The following ZDHHC3 variants were observed in gnomAD, a reference collection of about 807,000 sequenced individuals.
ZDHHC3 encodes zDHHC palmitoyltransferase 3.
Under a neutral mutation model 30.6 loss-of-function variants are expected in ZDHHC3, and 9 were observed. That is an observed-to-expected ratio of 0.29 (90% CI 0.18 to 0.51). ZDHHC3 has a LOEUF of 0.51. Ranked by LOEUF, ZDHHC3 falls within the 20% of genes least tolerant of loss-of-function variation. The probability of loss-of-function intolerance (pLI) is 0.97; values close to 1 mark genes in which losing one functional copy is unlikely to be tolerated. For missense variants in ZDHHC3, 246 were observed against 384.2 expected, an observed-to-expected ratio of 0.64 and a Z score of 3.01; for synonymous variants, 136 against 140.2, an observed-to-expected ratio of 0.97 and a Z score of 0.21.
rs1357341786 is a variant in ZDHHC3, at chr3:44,924,721, G to T, written c.*1968C>A. The T allele has an allele frequency of 2.0e-6, 2 of 985,352 alleles. No homozygotes were observed. The highest frequency in any genetic ancestry group is 3.5e-5 in the African/African-American group (2 of 57,248). 61.0% of individuals were successfully genotyped at this position (985,352 alleles called of 1,614,324 possible). A position where few individuals can be genotyped will look rare whatever the true frequency, so the allele number is the denominator to read the frequency against. ...GGGCCAGAGCTGTAGCCCTGCTCTA[G>T]TTATTTAATACAATAACACTTCTTT... On this transcript the variant is annotated 3_prime_UTR_variant, in exon 7 of 7. Transcript: ENST00000424952.
chr3:44,937,164 G>T (rs975582686), intron 3 of ZDHHC3, among the ~76,000 whole-genome samples: 1 of 151,976 alleles, frequency 6.6e-6, no homozygotes, highest in Non-Finnish European at 1.5e-5. Context: ...TTAGTTCAAG[G>T]CCAGGTTTGG....
chr3:44,918,935 C>A lies in ZDHHC3; in HGVS notation c.*7754G>T, dbSNP rs1032933363. On this transcript the variant is annotated 3_prime_UTR_variant, in exon 7 of 7. Transcript: ENST00000424952. ...CTGCACAGAGGCCTTTGACCCTCCA[C>A]TGGGGGCACTGCTTTCTCCATCTCT... The A allele has an allele frequency of 1.0e-6, 1 of 985,500 alleles. No individual in the cohort carries two copies. The highest frequency in any genetic ancestry group is 1.2e-6 in the Non-Finnish European group (1 of 830,090). 61.0% of individuals were successfully genotyped at this position (985,500 alleles called of 1,614,324 possible). A position where few individuals can be genotyped will look rare whatever the true frequency, so the allele number is the denominator to read the frequency against.
At chr3:44,966,280 G>T (rs1163315525) in intron 1 of ZDHHC3, among the ~76,000 whole-genome samples, 1 of 152,194 alleles carries the variant, frequency 6.6e-6, no homozygotes, top group Non-Finnish European at 1.5e-5. Flanking sequence ...GCCAAAATTT[G>T]TTTCGAGTGA....
In ZDHHC3 at chr3:44,925,288, C is replaced by T. The variant is rs1575769562; in HGVS notation, c.*1401G>A. ...ATCACATGGCTAGATTAACTTTCGC[C>T]CTACCCAGGACAGGATTGAATAAAC... is the stretch of plus-strand genomic sequence containing the variant. On this transcript the variant is annotated 3_prime_UTR_variant, in exon 7 of 7. Coordinates refer to ENST00000424952, the MANE Select transcript of ZDHHC3 (RefSeq NM_001135179.2). 9 of 985,860 alleles carry T rather than the reference C, an allele frequency of 9.1e-6. No individual in the cohort carries two copies. Among genetic ancestry groups the T allele is most frequent in the Non-Finnish European group, 1.1e-5 (9 of 829,938 alleles). The allele number at this position is 985,860 out of a possible 1,614,324, so 61.1% of individuals were successfully genotyped here.
At position 44,923,513 on chromosome 3, in the gene ZDHHC3, A is replaced by C; in HGVS notation, c.*3176T>G. The C allele has an allele frequency of 1.0e-6, 1 of 985,426 alleles. No homozygotes were observed. The highest frequency in any genetic ancestry group is 1.1e-4 in the East Asian group (1 of 8,800). 61.0% of individuals were successfully genotyped at this position (985,426 alleles called of 1,614,324 possible). Reference sequence around the variant, plus strand: ...GCTAATACTTGGGGCTTTTTCAAGAAGTACAGGGCTGGGCCCAGTGGCTCA... The same window carrying C: ...GCTAATACTTGGGGCTTTTTCAAGACGTACAGGGCTGGGCCCAGTGGCTCA... On this transcript the variant is annotated 3_prime_UTR_variant, in exon 7 of 7. Transcript: ENST00000424952.
At position 44,918,663 on chromosome 3, in the gene ZDHHC3, C is replaced by T. The variant is rs1700378689; in HGVS notation, c.*8026G>A. The T allele has an allele frequency of 9.0e-6, 9 of 999,268 alleles. No homozygotes were observed. The South Asian group carries it at 1.7e-4, about 19-fold the overall frequency. 61.9% of individuals were successfully genotyped at this position (999,268 alleles called of 1,614,324 possible). On this transcript the variant is annotated 3_prime_UTR_variant, in exon 7 of 7. Coordinates refer to ENST00000424952, the MANE Select transcript of ZDHHC3 (RefSeq NM_001135179.2). ...CATGCGAGGTGAAGAAGCGGGTGCT[C>T]GTACAGCAAGTGCCAACATGCATTA...
rs761303302 is a variant in ZDHHC3 at position 44,959,311 on chromosome 3, G to A, written c.126C>T (p.Gly42=). 2 of 1,614,268 alleles carry A rather than the reference G, an allele frequency of 1.2e-6. No homozygotes were observed. The highest frequency in any genetic ancestry group is 1.7e-6 in the Non-Finnish European group (2 of 1,180,050). ...TAACGATGGCACAGGCGATGCCACA[G>A]CCGTCACGGATAAACCACATGGTTC... ...PVGTMWFIRD[G]CGIACAIVTW... The change falls in exon 2 of 7, where the codon GGC becomes GGT. Residue 42 remains glycine, a synonymous_variant. Coordinates refer to ENST00000424952, the MANE Select transcript of ZDHHC3 (RefSeq NM_001135179.2). This position sits in a 1 kb window ranked among gnomAD's most constrained non-coding sequence, Gnocchi z 4.3.
chr3:44,952,985 C>T (rs530072980), intron 2 of ZDHHC3, among the ~76,000 whole-genome samples: 69 of 152,320 alleles, frequency 4.5e-4, no homozygotes, highest in South Asian at 2.3e-3. Flanking sequence ...GGGCCTGGCA[C>T]GAAGAATGTA....
rs558967292 is a variant in ZDHHC3 at position 44,920,860 on chromosome 3, T to C, written c.*5829A>G. 2.0e-6 allele frequency: 2 copies of C among 985,404 alleles called. No individual in the cohort carries two copies. The highest frequency in any genetic ancestry group is 2.3e-4 in the East Asian group (2 of 8,822). 61.0% of individuals were successfully genotyped at this position (985,404 alleles called of 1,614,324 possible). On this transcript the variant is annotated 3_prime_UTR_variant, in exon 7 of 7. Coordinates refer to ENST00000424952, the MANE Select transcript of ZDHHC3 (RefSeq NM_001135179.2). ...GTCTTCAGCAGTAAAGTCGACAAAC[T>C]TTCAGGGAGTGTTGACTTTTGAGTC...
rs1277193115 is a variant in ZDHHC3 at position 44,924,690 on chromosome 3, A to AG, written c.*1998dup. The stretch of plus-strand genomic sequence containing the variant: ...GGAGTATTACCAATCTCTTCCCCCT[A>AG]GGGGAGGGCCAGAGCTGTAGCCCTG... On this transcript the variant is annotated 3_prime_UTR_variant, in exon 7 of 7. Transcript: ENST00000424952. 3.0e-6 allele frequency: 3 copies of AG among 985,352 alleles called. No homozygotes were observed. The highest frequency in any genetic ancestry group is 3.6e-6 in the Non-Finnish European group (3 of 829,930). The allele number at this position is 985,352 out of a possible 1,614,324, so 61.0% of individuals were successfully genotyped here.
chr3:44,943,028 C>A (rs1429485631), intron 3 of ZDHHC3, among the ~76,000 whole-genome samples: 1 of 152,156 alleles, frequency 6.6e-6, no homozygotes, highest in Non-Finnish European at 1.5e-5. Context: ...AGGAGGCAAG[C>A]CTTGAATTAG....
At position 44,926,453 on chromosome 3, in the gene ZDHHC3, TA is replaced by T. The variant is rs1448572557; in HGVS notation, c.*235del. On this transcript the variant is annotated 3_prime_UTR_variant, in exon 7 of 7. Coordinates refer to ENST00000424952, the MANE Select transcript of ZDHHC3 (RefSeq NM_001135179.2). ...AAACCAGAGGCCAGAGAAGTGATTT[TA>T]AAAGGAAAAGAGAGCAGCTTCGGTC... 4 of 1,253,660 alleles carry T rather than the reference TA, an allele frequency of 3.2e-6. No individual in the cohort carries two copies. In the Admixed American group the frequency reaches 1.6e-4, roughly 49 times the overall value. The allele number at this position is 1,253,660 out of a possible 1,614,324, so 77.7% of individuals were successfully genotyped here.
At chr3:44,933,541 C>G (rs1701683332) in intron 4 of ZDHHC3, 1 of 531,616 alleles carries the variant, frequency 1.9e-6, no homozygotes, top group African/African-American at 1.9e-5. Context: ...CTGCTGAGGG[C>G]CCTTCTAGTC....
intron 5 of ZDHHC3, among the ~76,000 whole-genome samples, chr3:44,930,867 T>C (rs562102081): frequency 7.2e-5 from 11 of 152,034 alleles, no homozygotes; most frequent in Admixed American, 4.6e-4. Flanking sequence ...GGGCAGGGTA[T>C]TGGGGAGAAT....
chr3:44,958,605 G>A (rs1704169468), intron 2 of ZDHHC3: 4 of 1,535,966 alleles, frequency 2.6e-6, no homozygotes, highest in South Asian at 2.4e-5. Context: ...CACTTGCTGC[G>A]GCCTGAAACA....
chr3:44,931,811 G>A (rs903314831), intron 5 of ZDHHC3, among the ~76,000 whole-genome samples: 2 of 152,196 alleles, frequency 1.3e-5, no homozygotes, highest in Non-Finnish European at 2.9e-5. Flanking sequence ...AGTGATCCTG[G>A]AAACTTGTTC....
Position 44,922,647 on chromosome 3 carries a change from G to A in ZDHHC3, c.*4042C>T, listed in dbSNP as rs1177480012. ...GCAGGCATCAGGGACCACCTGAGGG[G>A]GGACTCCTGCTAGCCCCAACTGGAT... is the stretch of plus-strand genomic sequence containing the variant. On this transcript the variant is annotated 3_prime_UTR_variant, in exon 7 of 7. Coordinates refer to ENST00000424952, the MANE Select transcript of ZDHHC3 (RefSeq NM_001135179.2). 2 of 985,258 alleles carry A rather than the reference G, an allele frequency of 2.0e-6. No individual in the cohort carries two copies. Among genetic ancestry groups the A allele is most frequent in the Non-Finnish European group, 2.4e-6 (2 of 829,924 alleles). The allele number at this position is 985,258 out of a possible 1,614,324, so 61.0% of individuals were successfully genotyped here. A position where few individuals can be genotyped will look rare whatever the true frequency, so the allele number is the denominator to read the frequency against.
At chr3:44,946,464 T>C (rs1191903939) in intron 2 of ZDHHC3, among the ~76,000 whole-genome samples, 1 of 152,202 alleles carries the variant, frequency 6.6e-6, no homozygotes, top group African/African-American at 2.4e-5. Context: ...CTCACTGCTA[T>C]GGACTCAGGA....
rs767471628 is a variant in ZDHHC3, at chr3:44,926,885, G to A, written c.742-38C>T. The A allele has an allele frequency of 4.4e-5, 69 of 1,561,802 alleles. No individual in the cohort carries two copies. In the Admixed American group the frequency reaches 1.3e-3, roughly 29 times the overall value. On this transcript the variant is annotated intron_variant, in intron 6 of 6. Transcript: ENST00000424952. ...ACAATCATACTTTCAGTCAAGCACT[G>A]CATTGCTGTGGTTTCTGGGGAGGGA...
Sources: allele counts gnomAD v4.1 joint callset (sites outside exome capture counted in the v4.1 genomes callset), GRCh38; gene constraint gnomAD v4.1.1; non-coding constraint Gnocchi (gnomAD v3.1); transcripts MANE v1.5; gene names NCBI Gene and HGNC (gene_info 2026-07-23, HGNC 2026-07-21).